Variants in PRKAR1B observed in about 807,000 individuals in gnomAD.
PRKAR1B encodes cAMP-dependent protein kinase type I-beta regulatory subunit.
Under a neutral mutation model 46.5 loss-of-function variants are expected in PRKAR1B, and 22 were observed. The observed-to-expected ratio is 0.47, with a 90% confidence interval of 0.34 to 0.68. The LOEUF is 0.68. Among genes scored for constraint, PRKAR1B ranks in the 30% least tolerant of loss-of-function variants. The probability of loss-of-function intolerance (pLI) is 0.01; values close to 1 mark genes in which losing one functional copy is unlikely to be tolerated. For missense variants in PRKAR1B, 445 were observed against 535.6 expected (o/e 0.83, Z 1.67); for synonymous variants, 259 against 217.7 (o/e 1.19, Z -1.67).
At position 593,943 on chromosome 7, in the gene PRKAR1B, G is replaced by A. The variant is rs1472891282; in HGVS notation, c.708+2203C>T. Among the ~76,000 whole-genome samples, 1 of 152,186 alleles carries A rather than the reference G, an allele frequency of 6.6e-6. No individual in the cohort carries two copies. The highest frequency in any genetic ancestry group is 1.5e-5 in the Non-Finnish European group (1 of 68,024). On this transcript the variant is annotated intron_variant, in intron 7 of 10. Transcript: ENST00000537384. The surrounding 1 kb of genome is among the most constrained non-coding windows in gnomAD (Gnocchi z 6.1). Reference sequence around the variant, plus strand: ...CGAACGCGCCATCCACAAAACACAAGAGCCGGCATCGCCGTGGGGCCGGGA... The same window carrying A: ...CGAACGCGCCATCCACAAAACACAAAAGCCGGCATCGCCGTGGGGCCGGGA...
intron 3 of PRKAR1B, 77 bp downstream of exon 3, chr7:680,479 G>C: frequency 1.4e-6 from 2 of 1,409,884 alleles, no homozygotes; most frequent in Non-Finnish European, 1.9e-6. Context: ...GGTGCCCCGT[G>C]GGCTTCCAGG....
intron 4 of PRKAR1B, among the ~76,000 whole-genome samples, chr7:622,334 C>G (rs1783153623): frequency 6.6e-6 from 1 of 152,260 alleles, no homozygotes; most frequent in Admixed American, 6.5e-5. Context: ...CCGCGCCACA[C>G]AGGGCCTCCC....
intron 9 of PRKAR1B, among the ~76,000 whole-genome samples, chr7:556,043 G>A (rs1778408000): frequency 6.6e-6 from 1 of 152,108 alleles, no homozygotes; most frequent in Non-Finnish European, 1.5e-5. Context: ...TCTCCCTCTT[G>A]CATATGCCCC....
rs548576993 is a variant in PRKAR1B, at chr7:689,928, G to A, written c.178-9202C>T. Among the ~76,000 whole-genome samples, 23 of 151,072 alleles carry A rather than the reference G, an allele frequency of 1.5e-4. No individual in the cohort carries two copies. In the East Asian group the frequency reaches 4.1e-3, roughly 27 times the overall value. On this transcript the variant is annotated intron_variant, in intron 2 of 10. Coordinates refer to ENST00000537384, the MANE Select transcript of PRKAR1B (RefSeq NM_001164760.2). ...AATCTCCTGACCTCGTGATCCGCCC[G>A]CCTCGGCCTCCCAAAGTGCTGGGAT...
At chr7:637,361 G>A (rs1373730315) in intron 4 of PRKAR1B, among the ~76,000 whole-genome samples, 1 of 152,124 alleles carries the variant, frequency 6.6e-6, no homozygotes, top group Non-Finnish European at 1.5e-5. Flanking sequence ...AGATTGCAAT[G>A]AGCCGAGATT....
chr7:561,132 AACACACACAC>A (rs35193364), intron 9 of PRKAR1B, among the ~76,000 whole-genome samples: 1 of 146,666 alleles, frequency 6.8e-6, no homozygotes, highest in Non-Finnish European at 1.5e-5. Context: ...CAGGCACACA[AACACACACAC>A]ACACACACCT....
At position 720,867 on chromosome 7, in the gene PRKAR1B, C is replaced by A. The variant is rs528248122; in HGVS notation, c.-23+6343G>T. ...GAAGTGAGCTTCAGCATATAGTAGACATCATACAGTTGGGTCATGTTTTGT... is the reference window on the plus strand; with the variant it reads ...GAAGTGAGCTTCAGCATATAGTAGAAATCATACAGTTGGGTCATGTTTTGT... On this transcript the variant is annotated intron_variant, in intron 1 of 10. Coordinates refer to ENST00000537384, the MANE Select transcript of PRKAR1B (RefSeq NM_001164760.2). 1.1e-3 allele frequency among the ~76,000 whole-genome samples: 166 copies of A among 152,306 alleles called. 1 individual carries two copies. Among genetic ancestry groups the A allele is most frequent in the African/African-American group, 3.7e-3 (153 of 41,550 alleles).
At chr7:685,295 C>CGTATATAT (rs1300520762) in intron 2 of PRKAR1B, among the ~76,000 whole-genome samples, 1 of 12,228 alleles carries the variant, frequency 8.2e-5, no homozygotes, top group Non-Finnish European at 1.5e-4. Flanking sequence ...TATATGTATA[C>CGTATATAT]ATATATATAT....
chr7:575,228 A>G (rs1779751347), intron 9 of PRKAR1B, among the ~76,000 whole-genome samples: 1 of 152,334 alleles, frequency 6.6e-6, no homozygotes, highest in South Asian at 2.1e-4. Flanking sequence ...CCAAGATGGC[A>G]CAGTCATATG....
At chr7:658,365 G>C (rs1004235309) in intron 4 of PRKAR1B, among the ~76,000 whole-genome samples, 1 of 152,096 alleles carries the variant, frequency 6.6e-6, no homozygotes, top group Non-Finnish European at 1.5e-5. Context: ...AGCCCATGAG[G>C]TGGGGGCTGC....
chr7:561,147 ACAC>A (rs1459787947), intron 9 of PRKAR1B, among the ~76,000 whole-genome samples: 1 of 149,314 alleles, frequency 6.7e-6, no homozygotes, highest in East Asian at 1.9e-4. Flanking sequence ...ACACACACAC[ACAC>A]CTGTGCACAC....
intron 8 of PRKAR1B, among the ~76,000 whole-genome samples, chr7:581,448 T>C (rs1352934491): frequency 1.3e-5 from 2 of 152,198 alleles, no homozygotes; most frequent in African/African-American, 4.8e-5. Flanking sequence ...AATTATGGTT[T>C]GTGTTCAGGG....
intron 7 of PRKAR1B, among the ~76,000 whole-genome samples, chr7:586,677 G>C (rs1780619260): frequency 1.3e-5 from 2 of 152,312 alleles, no homozygotes; most frequent in South Asian, 4.1e-4. Context: ...AGTTTGAGGG[G>C]AATTTGTTAC....
At position 593,993 on chromosome 7, in the gene PRKAR1B, T is replaced by C. The variant is rs185523081; in HGVS notation, c.708+2153A>G. Among the ~76,000 whole-genome samples the C allele has an allele frequency of 1.2e-3, 177 of 152,114 alleles. No homozygotes were observed. The highest frequency in any genetic ancestry group is 4.8e-3 in the South Asian group (23 of 4,822). The stretch of plus-strand genomic sequence containing the variant: ...ACAGGCCAGCGCCAGCAGGACACCG[T>C]CTCTCAGCTGGCCCATGGCCATCAA... On this transcript the variant is annotated intron_variant, in intron 7 of 10. Transcript: ENST00000537384. The surrounding 1 kb of genome is among the most constrained non-coding windows in gnomAD (Gnocchi z 6.1).
At chr7:726,847 A>G in intron 1 of PRKAR1B, 1 of 1,322,294 alleles carries the variant, frequency 7.6e-7, no homozygotes, top group African/African-American at 1.5e-5. Flanking sequence ...GGCCGACAGC[A>G]AGCCGGGCCG....
At chr7:728,411 G>C (rs1781439782), upstream of PRKAR1B, among the ~76,000 whole-genome samples, 2 of 152,204 alleles carry the variant, frequency 1.3e-5, no homozygotes, top group South Asian at 4.1e-4. Flanking sequence ...ATAGACCCGA[G>C]TTCAGGTTGT....
intron 9 of PRKAR1B, among the ~76,000 whole-genome samples, chr7:573,035 G>A (rs993781425): frequency 3.3e-5 from 5 of 152,110 alleles, no homozygotes; most frequent in South Asian, 2.1e-4. Flanking sequence ...GCCGGGCCCC[G>A]CCGCACCTGT....
chr7:597,352 G>A (rs1219968414), intron 6 of PRKAR1B, among the ~76,000 whole-genome samples: 1 of 152,200 alleles, frequency 6.6e-6, no homozygotes, highest in Admixed American at 6.5e-5. Flanking sequence ...TGAGCGCTGG[G>A]GAGAACTGGT....
intron 4 of PRKAR1B, among the ~76,000 whole-genome samples, chr7:620,733 T>A (rs150598740): frequency 6.6e-6 from 1 of 152,340 alleles, no homozygotes; most frequent in African/African-American, 2.4e-5. Flanking sequence ...TCCATAGACA[T>A]GATCAAATTC....
Sources: gnomAD v4.1 joint callset for allele counts (sites outside exome capture counted in the v4.1 genomes callset) on GRCh38, gnomAD v4.1.1 for gene constraint, Gnocchi (gnomAD v3.1) non-coding constraint, MANE v1.5 for transcripts, NCBI Gene and HGNC (gene_info 2026-07-23, HGNC 2026-07-21) for gene names.